Variants in AARSD1 observed in about 807,000 individuals in gnomAD.
AARSD1 encodes the protein alanyl-tRNA synthetase domain containing 1, also known as alanyl-tRNA editing protein Aarsd1.
In AARSD1, 44 loss-of-function variants were observed where a neutral mutation model predicts 48.7. The observed-to-expected ratio is 0.90, with a 90% CI of 0.71 to 1.16. AARSD1 has a LOEUF of 1.16. Ranked by LOEUF, AARSD1 falls within the 50% of genes most tolerant of loss-of-function variation. The pLI is 0.00. For synonymous variants in AARSD1, 189 were observed against 194.9 expected (o/e 0.97, Z 0.25); for missense variants, 511 against 523.1 (o/e 0.98, Z 0.23).
intron 6 of AARSD1, 58 bp downstream of exon 6, chr17:42,956,146 G>A: frequency 6.2e-7 from 1 of 1,612,334 alleles, no homozygotes; most frequent in Non-Finnish European, 8.5e-7. Context: ...CCAGCCCCAT[G>A]TGATCCCCTC....
intron 3 of AARSD1, chr17:42,960,951 A>G (rs2049627912): frequency 1.9e-6 from 1 of 530,342 alleles, no homozygotes; most frequent in Admixed American, 4.1e-5. Context: ...CCAGATGGAG[A>G]TATCGAGTGG....
At chr17:42,957,034 C>A in intron 4 of AARSD1, 104 bp downstream of exon 4, 1 of 1,342,462 alleles carries the variant, frequency 7.4e-7, no homozygotes. Flanking sequence ...AATCACAGCT[C>A]ACCACAGCCT....
intron 2 of AARSD1, among the ~76,000 whole-genome samples, chr17:42,963,633 C>T (rs548620798): frequency 5.3e-5 from 8 of 152,152 alleles, no homozygotes; most frequent in Non-Finnish European, 8.8e-5. Flanking sequence ...CCCTAAAACC[C>T]GAAGCTAATT....
At chr17:42,962,999 G>A (rs1780843224) in intron 2 of AARSD1, among the ~76,000 whole-genome samples, 1 of 151,760 alleles carries the variant, frequency 6.6e-6, no homozygotes, top group South Asian at 2.1e-4. Flanking sequence ...CTCCAGCCTG[G>A]GTGACATAGC....
At chr17:42,958,491 CA>C (rs539761505) in intron 3 of AARSD1, among the ~76,000 whole-genome samples, 3 of 145,188 alleles carry the variant, frequency 2.1e-5, no homozygotes, top group African/African-American at 7.6e-5. Flanking sequence ...GACTCTGTCT[CA>C]AAAAAAAATA....
chr17:42,956,290 C>G lies in AARSD1; in HGVS notation c.577G>C (p.Ala193Pro). The change falls in exon 6 of 12, where the codon GCT becomes CCT. Residue 193 changes from alanine to proline, a missense_variant. By Grantham distance (27) the Ala-to-Pro change is conservative. Coordinates refer to ENST00000427569, the MANE Select transcript of AARSD1 (RefSeq NM_001261434.2). ...ATGTTAACAACCCGAATGGGCCCAGCATGATCATCAGGCAAACCCCGGCCA... is the reference window on the plus strand; with the variant it reads ...ATGTTAACAACCCGAATGGGCCCAGGATGATCATCAGGCAAACCCCGGCCA... ...VSGRGLPDDHAGPIRVVNIEG... is the reference protein window; with the variant it reads ...VSGRGLPDDHPGPIRVVNIEG... 1 of 1,614,140 alleles carries G rather than the reference C, an allele frequency of 6.2e-7. No individual in the cohort carries two copies. Among genetic ancestry groups the G allele is most frequent in the Non-Finnish European group, 8.5e-7 (1 of 1,180,038 alleles).
At chr17:42,964,331 C>T (rs2049683258) in intron 1 of AARSD1, 71 bp downstream of exon 1, 2 of 1,589,660 alleles carry the variant, frequency 1.3e-6, no homozygotes, top group South Asian at 1.1e-5. Context: ...GCACTCCCTA[C>T]ACGTGGCGCC....
intron 2 of AARSD1, among the ~76,000 whole-genome samples, chr17:42,963,814 G>A (rs1201324306): frequency 6.6e-6 from 1 of 151,784 alleles, no homozygotes; most frequent in Non-Finnish European, 1.5e-5. Context: ...CCCTTTACTT[G>A]GTTTTTGTTT....
Position 42,956,207 on chromosome 17 carries a change from A to G in AARSD1, c.660T>C (p.Leu220=), listed in dbSNP as rs763286283. Reference sequence around the variant, plus strand: ...TCCACAGCCGTTCCTCACTTACCTGAAGGTCACTGAGATTGCTCACATGGG... The same window carrying G: ...TCCACAGCCGTTCCTCACTTACCTGGAGGTCACTGAGATTGCTCACATGGG... The part of the protein sequence containing the change: ...CGTHVSNLSD[L]QVIKILGTEK... Residue 220 remains leucine (L), a synonymous_variant, in exon 6 of 12, where the codon CTT becomes CTC. Transcript: ENST00000427569. 1.2e-6 allele frequency: 2 copies of G among 1,614,026 alleles called. No individual in the cohort carries two copies. The highest frequency in any genetic ancestry group is 1.7e-6 in the Non-Finnish European group (2 of 1,180,018).
chr17:42,951,775 T>C, intron 11 of AARSD1, 25 bp downstream of exon 11: 2 of 1,611,914 alleles, frequency 1.2e-6, no homozygotes, highest in Non-Finnish European at 1.7e-6. Flanking sequence ...CTACTACATG[T>C]GCAAGAGAGT....
intron 3 of AARSD1, 160 bp from the exon 4 acceptor site, chr17:42,957,355 T>C: frequency 2.3e-6 from 2 of 857,680 alleles, no homozygotes; most frequent in South Asian, 4.3e-5. Context: ...AAAATCACAA[T>C]GAGAATTCTG....
intron 4 of AARSD1, among the ~76,000 whole-genome samples, 168 bp downstream of exon 4, chr17:42,956,970 T>C (rs2049565521): frequency 6.8e-6 from 1 of 147,226 alleles, no homozygotes. Context: ...CCTGGCCTTT[T>C]TTTTTTTTTT....
intron 4 of AARSD1, 107 bp from the exon 5 acceptor site, chr17:42,956,667 T>TTTTTTTTTTTG: frequency 7.9e-7 from 1 of 1,264,502 alleles, no homozygotes; most frequent in African/African-American, 1.8e-5. Flanking sequence ...CCACTTTTTT[T>TTTTTTTTTTTG]TTTTTTTTTT....
At chr17:42,963,862 T>C (rs1402058175) in intron 2 of AARSD1, among the ~76,000 whole-genome samples, 1 of 152,212 alleles carries the variant, frequency 6.6e-6, no homozygotes, top group Non-Finnish European at 1.5e-5. Flanking sequence ...TTGTCTTCAA[T>C]AAACATTCCA....
At position 42,956,337 on chromosome 17, in the gene AARSD1, G is replaced by A. The variant is rs2049551178; in HGVS notation, c.547-17C>T. ...GCCACTCACCTGGACTCAAGGAGAGGGGAGGGACTGTCTGAATCTGATGAG... is the reference window on the plus strand; with the variant it reads ...GCCACTCACCTGGACTCAAGGAGAGAGGAGGGACTGTCTGAATCTGATGAG... On this transcript the variant is annotated splice_polypyrimidine_tract_variant and intron_variant, in intron 5 of 11. Coordinates refer to ENST00000427569, the MANE Select transcript of AARSD1 (RefSeq NM_001261434.2). The A allele has an allele frequency of 6.2e-7, 1 of 1,614,118 alleles. No homozygotes were observed. Among genetic ancestry groups the A allele is most frequent in the South Asian group, 1.1e-5 (1 of 91,070 alleles).
At chr17:42,959,943 T>G (rs2049610398) in intron 3 of AARSD1, among the ~76,000 whole-genome samples, 1 of 152,006 alleles carries the variant, frequency 6.6e-6, no homozygotes, top group African/African-American at 2.4e-5. Flanking sequence ...ATTACAGGCG[T>G]GAGCCACCGC....
intron 11 of AARSD1, 41 bp downstream of exon 11, chr17:42,951,759 C>T: frequency 1.3e-6 from 2 of 1,595,466 alleles, no homozygotes; most frequent in Middle Eastern, 1.7e-4. Context: ...TTGTAGGATA[C>T]AGGCTCTACT....
Position 42,951,867 on chromosome 17 carries a change from C to T in AARSD1, c.1036G>A (p.Asp346Asn), listed in dbSNP as rs768805369. ...EETLLFLTVG[D>N]EKGGGLFLLA... ...AAGAAGAGTCCACCACCTTTCTCAT[C>T]GCCCACAGTTAAGAACAGGAGGGTC... The change falls in exon 11 of 12, where the codon GAT becomes AAT. Residue 346 changes from aspartate to asparagine, a missense_variant. Physicochemically the swap from Asp to Asn is conservative, Grantham distance 23 (BLOSUM62 1). Coordinates refer to ENST00000427569, the MANE Select transcript of AARSD1 (RefSeq NM_001261434.2). 1.1e-5 allele frequency: 17 copies of T among 1,614,044 alleles called. 1 individual carries two copies. Among genetic ancestry groups the T allele is most frequent in the Admixed American group, 6.7e-5 (4 of 59,992 alleles).
intron 2 of AARSD1, 145 bp downstream of exon 2, chr17:42,963,961 G>A: frequency 5.6e-6 from 8 of 1,417,586 alleles, no homozygotes; most frequent in Non-Finnish European, 7.5e-6. Flanking sequence ...AGCAATTGCT[G>A]ATAAATACTC....
Sources: allele counts gnomAD v4.1 joint callset (sites outside exome capture counted in the v4.1 genomes callset), GRCh38; gene constraint gnomAD v4.1.1; transcripts MANE v1.5; gene names NCBI Gene and HGNC (gene_info 2026-07-23, HGNC 2026-07-21).